HACD4: variants seen among roughly 807,000 people sequenced by gnomAD.
HACD4 encodes the protein 3-hydroxyacyl-CoA dehydratase 4.
A neutral mutation model predicts 33.3 loss-of-function variants in HACD4; 35 were observed. The ratio of observed to expected loss-of-function variants is 1.05; its 90% CI spans 0.80 to 1.39. HACD4 has a LOEUF of 1.39. HACD4 is among the 40% of genes most tolerant of loss of function. The probability of loss-of-function intolerance (pLI) is 0.00; values close to 1 mark genes in which losing one functional copy is unlikely to be tolerated. For missense variants in HACD4, 323 were observed against 276.5 expected, an observed-to-expected ratio of 1.17 and a Z score of -1.19; for synonymous variants, 118 against 98.0, an observed-to-expected ratio of 1.20 and a Z score of -1.21.
intron 3 of HACD4, among the ~76,000 whole-genome samples, chr9:21,019,649 C>G (rs1012359408): frequency 6.6e-6 from 1 of 151,936 alleles, no homozygotes; most frequent in Non-Finnish European, 1.5e-5. Context: ...AGAAATATAG[C>G]TTTATACTTA....
intron 2 of HACD4, among the ~76,000 whole-genome samples, chr9:21,027,003 A>G (rs7027822): frequency 0.61 from 92,315 of 152,106 alleles, 28,666 homozygotes; most frequent in South Asian, 0.69. Flanking sequence ...TTCCCCACTT[A>G]TAAGATTATA....
intron 4 of HACD4, among the ~76,000 whole-genome samples, chr9:21,014,565 G>C (rs1842512665): frequency 6.6e-6 from 1 of 152,138 alleles, no homozygotes; most frequent in African/African-American, 2.4e-5. Context: ...GAAAGAGGGA[G>C]AGGGGAGTGA....
chr9:21,019,009 G>GA (rs1347051552), intron 3 of HACD4, among the ~76,000 whole-genome samples: 3 of 152,112 alleles, frequency 2.0e-5, no homozygotes, highest in Admixed American at 2.0e-4. Context: ...TTACTAAAAT[G>GA]AAAATCTAAA....
chr9:21,024,542 G>C (rs187384992), intron 3 of HACD4, among the ~76,000 whole-genome samples: 1 of 152,128 alleles, frequency 6.6e-6, no homozygotes, highest in South Asian at 2.1e-4. Flanking sequence ...TTAAAATCAG[G>C]TGTATATTCT....
chr9:21,010,635 G>A (rs531525076), intron 5 of HACD4, among the ~76,000 whole-genome samples: 2 of 152,118 alleles, frequency 1.3e-5, no homozygotes, highest in African/African-American at 4.8e-5. Flanking sequence ...AAGAAGGATG[G>A]TTTCAGGATG....
In HACD4 at chr9:21,001,225, A is replaced by C. The variant is rs1245477938; in HGVS notation, c.*5812T>G. On this transcript the variant is annotated 3_prime_UTR_variant, in exon 7 of 7. Coordinates refer to ENST00000495827, the MANE Select transcript of HACD4 (RefSeq NM_001010915.5). ...AAAACCAATGGATGAACAAAATGGT[A>C]ATATCAATATAGAGAAAATCTAAGA... 6.6e-6 allele frequency: 1 copy of C among 152,090 alleles called. No homozygotes were observed. The highest frequency in any genetic ancestry group is 1.5e-5 in the Non-Finnish European group (1 of 67,970). 9.4% of individuals were successfully genotyped at this position (152,090 alleles called of 1,614,324 possible).
intron 2 of HACD4, among the ~76,000 whole-genome samples, chr9:21,027,852 G>C (rs984412652): frequency 1.3e-5 from 2 of 152,134 alleles, no homozygotes; most frequent in African/African-American, 4.8e-5. Flanking sequence ...GAAATGCGCC[G>C]AGCCGGGCAC....
chr9:21,025,985 G>T (rs1025151563), intron 3 of HACD4, among the ~76,000 whole-genome samples: 4 of 152,112 alleles, frequency 2.6e-5, no homozygotes, highest in African/African-American at 7.2e-5. Flanking sequence ...ATTTGAATCC[G>T]GGTCTGTGTG....
rs76040484 is a variant in HACD4 at position 21,024,903 on chromosome 9, T to C, written c.270+1693A>G. ...CATTCCAGATGATAGAACACAACTTTTATTTAACGTTAGTTGTTAATTCTA... is the reference window on the plus strand; with the variant it reads ...CATTCCAGATGATAGAACACAACTTCTATTTAACGTTAGTTGTTAATTCTA... On this transcript the variant is annotated intron_variant, in intron 3 of 6. Coordinates refer to ENST00000495827, the MANE Select transcript of HACD4 (RefSeq NM_001010915.5). Among the ~76,000 whole-genome samples the C allele has an allele frequency of 3.6e-3, 555 of 152,346 alleles. 21 individuals carry two copies. The East Asian group carries it at 0.079, about 22-fold the overall frequency.
intron 4 of HACD4, 149 bp from the exon 5 acceptor site, chr9:21,011,844 T>A (rs1249446303): frequency 1.8e-6 from 1 of 551,356 alleles, no homozygotes; most frequent in African/African-American, 1.9e-5. Flanking sequence ...GAGTTTTTTT[T>A]AAATGGGGGA....
chr9:21,026,811 GA>G, intron 2 of HACD4, 88 bp from the exon 3 acceptor site: 2 of 1,013,694 alleles, frequency 2.0e-6, no homozygotes, highest in Non-Finnish European at 3.0e-6. Context: ...GTCAAATGGA[GA>G]TTATTCACTT....
rs1259997004 is a variant in HACD4 at position 21,004,243 on chromosome 9, C to T, written c.*2794G>A. On this transcript the variant is annotated 3_prime_UTR_variant, in exon 7 of 7. Transcript: ENST00000495827. This position sits in a 1 kb window ranked among gnomAD's most constrained non-coding sequence, Gnocchi z 4.6. ...GCTGGTCTTGAACTCCTGACCTCAA[C>T]TGATCTGCCCACCTCAGCCTCTCAT... is the stretch of plus-strand genomic sequence containing the variant. 2 of 152,158 alleles carry T rather than the reference C, an allele frequency of 1.3e-5. No individual in the cohort carries two copies. The highest frequency in any genetic ancestry group is 2.4e-5 in the African/African-American group (1 of 41,436). 9.4% of individuals were successfully genotyped at this position (152,158 alleles called of 1,614,324 possible).
intron 3 of HACD4, among the ~76,000 whole-genome samples, chr9:21,016,643 C>T (rs1842562003): frequency 1.3e-5 from 2 of 149,232 alleles, no homozygotes; most frequent in Non-Finnish European, 3.0e-5. Flanking sequence ...GTAATGTGAA[C>T]CACTGGGGGG....
In HACD4 at chr9:21,006,964, T is replaced by C; in HGVS notation, c.*73A>G. Reference sequence around the variant, plus strand: ...AATACAAGGTATTTTTCCACCAGAATACTTCCTGTGTTTTATTTACTGCAC... The same window carrying C: ...AATACAAGGTATTTTTCCACCAGAACACTTCCTGTGTTTTATTTACTGCAC... On this transcript the variant is annotated 3_prime_UTR_variant, in exon 7 of 7. Transcript: ENST00000495827. The surrounding 1 kb of genome is among the most constrained non-coding windows in gnomAD (Gnocchi z 4.6). 2.3e-6 allele frequency: 2 copies of C among 873,712 alleles called. No individual in the cohort carries two copies. Among genetic ancestry groups the C allele is most frequent in the Admixed American group, 3.5e-5 (2 of 57,848 alleles). 54.1% of individuals were successfully genotyped at this position (873,712 alleles called of 1,614,324 possible).
rs769324002 is a variant in HACD4 at position 21,006,683 on chromosome 9, T to G, written c.*354A>C. On this transcript the variant is annotated 3_prime_UTR_variant, in exon 7 of 7. Coordinates refer to ENST00000495827, the MANE Select transcript of HACD4 (RefSeq NM_001010915.5). The surrounding 1 kb of genome is among the most constrained non-coding windows in gnomAD (Gnocchi z 4.6). ...TGAAAAAGAATACATGTAATTTAGG[T>G]TATCAAGTTTGGTTTCTTAATTTAA... 10 of 252,502 alleles carry G rather than the reference T, an allele frequency of 4.0e-5. No individual in the cohort carries two copies. The highest frequency in any genetic ancestry group is 5.6e-5 in the Admixed American group (1 of 17,976). The allele number at this position is 252,502 out of a possible 1,614,324, so 15.6% of individuals were successfully genotyped here. A position where few individuals can be genotyped will look rare whatever the true frequency, so the allele number is the denominator to read the frequency against.
chr9:21,026,565 G>A (rs757985287), intron 3 of HACD4, 31 bp downstream of exon 3: 1 of 1,552,388 alleles, frequency 6.4e-7, no homozygotes, highest in South Asian at 1.2e-5. Context: ...AAATGAAACA[G>A]ATTCTATAAT....
intron 6 of HACD4, among the ~76,000 whole-genome samples, chr9:21,007,450 A>G (rs1842297866): frequency 6.6e-6 from 1 of 152,146 alleles, no homozygotes; most frequent in Admixed American, 6.6e-5. Flanking sequence ...AGAGATAATC[A>G]TTATTTTGGA....
rs1842151856 is a variant in HACD4 at position 21,000,545 on chromosome 9, C to G, written c.*6492G>C. On this transcript the variant is annotated 3_prime_UTR_variant, in exon 7 of 7. Coordinates refer to ENST00000495827, the MANE Select transcript of HACD4 (RefSeq NM_001010915.5). ...GGAGCCCTGGAATCTGCATTCTAAA[C>G]AGGTGAACTTGTTAATTGTGGCTGT... The G allele has an allele frequency of 6.6e-6, 1 of 152,094 alleles. No homozygotes were observed. Among genetic ancestry groups the G allele is most frequent in the Non-Finnish European group, 1.5e-5 (1 of 67,988 alleles). 9.4% of individuals were successfully genotyped at this position (152,094 alleles called of 1,614,324 possible). A position where few individuals can be genotyped will look rare whatever the true frequency, so the allele number is the denominator to read the frequency against.
At chr9:21,019,595 CTG>C (rs1271174343) in intron 3 of HACD4, among the ~76,000 whole-genome samples, 6 of 151,968 alleles carry the variant, frequency 3.9e-5, no homozygotes, top group African/African-American at 7.2e-5. Context: ...TAGATAATGA[CTG>C]TGAATTAAAA....
Sources: allele counts gnomAD v4.1 joint callset (sites outside exome capture counted in the v4.1 genomes callset), GRCh38; gene constraint gnomAD v4.1.1; non-coding constraint Gnocchi (gnomAD v3.1); transcripts MANE v1.5; gene names NCBI Gene and HGNC (gene_info 2026-07-23, HGNC 2026-07-21).